Variants in ARHGEF4 observed in about 807,000 individuals in gnomAD.
The protein encoded by ARHGEF4 is APC-stimulated guanine nucleotide exchange factor 1.
Under a neutral mutation model 162.0 loss-of-function variants are expected in ARHGEF4, and 119 were observed. The observed-to-expected ratio is 0.73, with a 90% CI of 0.63 to 0.86. The LOEUF is 0.86. ARHGEF4 is among the 40% of genes least tolerant of loss of function. The probability of loss-of-function intolerance (pLI) is 0.00; values close to 1 mark genes in which losing one functional copy is unlikely to be tolerated. For synonymous variants in ARHGEF4, 1,014 were observed against 979.9 expected (o/e 1.03, Z -0.65); for missense variants, 2,488 against 2,456.0 (o/e 1.01, Z -0.28).
intron 1 of ARHGEF4, among the ~76,000 whole-genome samples, chr2:130,903,352 G>A (rs1335605046): frequency 2.0e-5 from 3 of 151,216 alleles, no homozygotes; most frequent in Non-Finnish European, 2.9e-5. Context: ...TCTCCCTCCC[G>A]GGGTTCAAGT....
chr2:130,992,909 C>G (rs1173313317), intron 4 of ARHGEF4, among the ~76,000 whole-genome samples: 1 of 152,232 alleles, frequency 6.6e-6, no homozygotes, highest in Middle Eastern at 3.4e-3. Flanking sequence ...CATGGCAAAA[C>G]GCCGTCTCTA....
intron 4 of ARHGEF4, among the ~76,000 whole-genome samples, chr2:130,992,670 T>G (rs777837684): frequency 1.3e-5 from 2 of 152,178 alleles, no homozygotes; most frequent in Admixed American, 6.5e-5. Context: ...TTAAAGTCAG[T>G]GAGACCAAGA....
intron 1 of ARHGEF4, among the ~76,000 whole-genome samples, chr2:130,851,217 G>A (rs574921452): frequency 4.6e-5 from 7 of 152,388 alleles, no homozygotes; most frequent in African/African-American, 1.4e-4. Flanking sequence ...TTCCTGCCCT[G>A]GCAGCCAGGC....
At chr2:130,924,704 G>A (rs1260911003) in intron 2 of ARHGEF4, among the ~76,000 whole-genome samples, 1 of 152,170 alleles carries the variant, frequency 6.6e-6, no homozygotes, top group Non-Finnish European at 1.5e-5. Context: ...TCATGCCCCT[G>A]GCTGGAGGGG....
chr2:130,932,522 A>C (rs888588836), intron 3 of ARHGEF4, among the ~76,000 whole-genome samples: 1 of 152,222 alleles, frequency 6.6e-6, no homozygotes, highest in African/African-American at 2.4e-5. Context: ...AATCCTTTAC[A>C]TATTCTGAAT....
At chr2:130,961,482 G>C (rs984507800) in intron 4 of ARHGEF4, among the ~76,000 whole-genome samples, 1 of 152,176 alleles carries the variant, frequency 6.6e-6, no homozygotes, top group Non-Finnish European at 1.5e-5. Context: ...TGTGGCAGAA[G>C]TGCAGGGAGC....
At chr2:130,950,690 C>CCG (rs1353187937) in intron 4 of ARHGEF4, among the ~76,000 whole-genome samples, 1 of 149,124 alleles carries the variant, frequency 6.7e-6, no homozygotes, top group Non-Finnish European at 1.5e-5. Flanking sequence ...GCTATTACCC[C>CCG]CCACCACCAC....
chr2:131,032,209 G>A (rs1384502530), intron 5 of ARHGEF4, among the ~76,000 whole-genome samples: 2 of 152,064 alleles, frequency 1.3e-5, no homozygotes, highest in African/African-American at 2.4e-5. Context: ...TGGGGCCGAG[G>A]AGGGGGAACA....
Position 131,038,921 on chromosome 2 carries a change from G to A in ARHGEF4, c.4194G>A (p.Glu1398=). Residue 1398 remains glutamate (E), a synonymous_variant, in exon 6 of 14, where the codon GAG becomes GAA. Transcript: ENST00000409359. ...ACCATGTCACCATGGACGACCAGGAGCTGGGCTTCAAAGCTGGGGACGTCA... is the reference window on the plus strand; with the variant it reads ...ACCATGTCACCATGGACGACCAGGAACTGGGCTTCAAAGCTGGGGACGTCA... ...LWDHVTMDDQ[E]LGFKAGDVIE... The A allele has an allele frequency of 1.2e-6, 2 of 1,613,722 alleles. No individual in the cohort carries two copies. The highest frequency in any genetic ancestry group is 1.7e-6 in the Non-Finnish European group (2 of 1,180,024).
chr2:130,839,213 G>A (rs1299924373), intron 1 of ARHGEF4, among the ~76,000 whole-genome samples: 8 of 152,242 alleles, frequency 5.3e-5, no homozygotes, highest in African/African-American at 1.7e-4. Flanking sequence ...GACACTGGTC[G>A]TAAGGAATAC....
At chr2:130,972,025 A>G in intron 4 of ARHGEF4, among the ~76,000 whole-genome samples, 1 of 152,216 alleles carries the variant, frequency 6.6e-6, no homozygotes, top group Admixed American at 6.5e-5. Context: ...GGCTCCATAA[A>G]GTCAACCTTA....
chr2:130,881,500 C>T (rs957643740), intron 1 of ARHGEF4, among the ~76,000 whole-genome samples: 1 of 150,790 alleles, frequency 6.6e-6, no homozygotes, highest in Non-Finnish European at 1.5e-5. Context: ...GTAGTAAGAG[C>T]GGTTGTAGAT....
intron 1 of ARHGEF4, among the ~76,000 whole-genome samples, chr2:130,873,920 G>A (rs272144): frequency 0.016 from 2,414 of 152,188 alleles, 37 homozygotes; most frequent in Non-Finnish European, 0.025. Context: ...TGCATCTAAC[G>A]TTTTCCTGGG....
At chr2:130,842,585 T>G (rs563515391) in intron 1 of ARHGEF4, among the ~76,000 whole-genome samples, 273 of 152,312 alleles carry the variant, frequency 1.8e-3, no homozygotes, top group Non-Finnish European at 3.1e-3. Flanking sequence ...GCAAGAGCTG[T>G]TTCTCCCACA....
chr2:130,980,248 T>C (rs1573512988), intron 4 of ARHGEF4, among the ~76,000 whole-genome samples: 1 of 152,002 alleles, frequency 6.6e-6, no homozygotes, highest in East Asian at 1.9e-4. Context: ...AATACAAAAA[T>C]TAGCTGAGCA....
intron 4 of ARHGEF4, among the ~76,000 whole-genome samples, chr2:130,962,860 C>T (rs951463492): frequency 2.6e-5 from 4 of 152,192 alleles, no homozygotes; most frequent in African/African-American, 7.2e-5. Context: ...CCCTGATTAG[C>T]CGCTATCACG....
intron 1 of ARHGEF4, among the ~76,000 whole-genome samples, chr2:130,874,857 A>C (rs1678717919): frequency 6.6e-6 from 1 of 152,174 alleles, no homozygotes; most frequent in Non-Finnish European, 1.5e-5. Flanking sequence ...AATAGTATAA[A>C]ATGGATCCAT....
chr2:131,034,525 G>A (rs10165540), intron 5 of ARHGEF4, among the ~76,000 whole-genome samples: 26,971 of 152,100 alleles, frequency 0.18, 3,900 homozygotes, highest in African/African-American at 0.39. Context: ...TCCTGCCTCC[G>A]CCATCCCTGC....
At chr2:131,045,278 G>C in intron 12 of ARHGEF4, 91 bp from the exon 13 acceptor site, 3 of 1,218,028 alleles carry the variant, frequency 2.5e-6, no homozygotes, top group Non-Finnish European at 2.4e-6. Context: ...TACATGATGA[G>C]ACCCTGGGCA....
Sources: allele counts gnomAD v4.1 joint callset (sites outside exome capture counted in the v4.1 genomes callset), GRCh38; gene constraint gnomAD v4.1.1; transcripts MANE v1.5; gene names NCBI Gene and HGNC (gene_info 2026-07-23, HGNC 2026-07-21).